The following SLC44A5 variants were observed in gnomAD, a reference collection of about 807,000 sequenced individuals.
SLC44A5 encodes the protein choline transporter-like protein 5.
In SLC44A5, 57 loss-of-function variants were observed where a neutral mutation model predicts 101.8. The observed-to-expected ratio is 0.56, with a 90% CI of 0.45 to 0.70. SLC44A5 has a LOEUF of 0.70. Among genes scored for constraint, SLC44A5 ranks in the 30% least tolerant of loss-of-function variants. The probability of loss-of-function intolerance (pLI) is 0.00; values close to 1 mark genes in which losing one functional copy is unlikely to be tolerated. For missense variants in SLC44A5, 737 were observed against 853.1 expected (o/e 0.86, Z 1.70); for synonymous variants, 281 against 290.9 (o/e 0.97, Z 0.35).
intron 5 of SLC44A5, among the ~76,000 whole-genome samples, chr1:75,297,830 G>C (rs995605506): frequency 6.6e-6 from 1 of 152,086 alleles, no homozygotes; most frequent in African/African-American, 2.4e-5. Context: ...TTGAACAAAG[G>C]TTCTGTTGTT....
intron 4 of SLC44A5, among the ~76,000 whole-genome samples, chr1:75,322,597 T>C (rs905468020): frequency 1.3e-5 from 2 of 152,138 alleles, no homozygotes; most frequent in African/African-American, 4.8e-5. Flanking sequence ...ACATTTGACA[T>C]AATTTTGAGG....
intron 4 of SLC44A5, among the ~76,000 whole-genome samples, chr1:75,324,396 G>C (rs1656415148): frequency 6.6e-6 from 1 of 152,160 alleles, no homozygotes; most frequent in South Asian, 2.1e-4. Context: ...GTTCTATTAA[G>C]TATTGCAAGC....
intron 3 of SLC44A5, among the ~76,000 whole-genome samples, chr1:75,394,981 G>A (rs1662034500): frequency 6.6e-6 from 1 of 151,958 alleles, no homozygotes; most frequent in Admixed American, 6.6e-5. Context: ...GTAATACCTT[G>A]TCTGGGAGAA....
chr1:75,478,716 T>C (rs969113189), intron 2 of SLC44A5, among the ~76,000 whole-genome samples: 6 of 152,118 alleles, frequency 3.9e-5, no homozygotes, highest in African/African-American at 9.7e-5. Context: ...CCTAAATATA[T>C]ATGCACCCAA....
the SLC44A5 span, among the ~76,000 whole-genome samples, chr1:75,682,628 G>T: frequency 1.3e-5 from 2 of 151,882 alleles, no homozygotes; most frequent in Admixed American, 1.3e-4. Flanking sequence ...AGACTTAAAC[G>T]TTAGACCTAA....
At chr1:75,223,880 T>C (rs987790816) in intron 13 of SLC44A5, among the ~76,000 whole-genome samples, 1 of 152,220 alleles carries the variant, frequency 6.6e-6, no homozygotes, top group Non-Finnish European at 1.5e-5. Flanking sequence ...AATTGTGGCA[T>C]GTAACCATAT....
intron 3 of SLC44A5, among the ~76,000 whole-genome samples, chr1:75,366,357 A>G (rs992783763): frequency 6.6e-6 from 1 of 151,994 alleles, no homozygotes; most frequent in Admixed American, 6.6e-5. Flanking sequence ...ATACTCTCCT[A>G]GCCTGCAAGA....
intron 9 of SLC44A5, among the ~76,000 whole-genome samples, chr1:75,240,051 G>C (rs1464493778): frequency 6.6e-6 from 1 of 151,564 alleles, no homozygotes; most frequent in East Asian, 1.9e-4. Context: ...ATTTTTTTCT[G>C]GATAATCTCA....
intron 5 of SLC44A5, among the ~76,000 whole-genome samples, chr1:75,277,922 C>CA (rs941749256): frequency 2.0e-5 from 3 of 151,738 alleles, no homozygotes; most frequent in African/African-American, 7.3e-5. Context: ...CTGAAAGCTA[C>CA]AAAAAAGAGG....
intron 2 of SLC44A5, among the ~76,000 whole-genome samples, chr1:75,510,267 A>G (rs1421258918): frequency 6.6e-6 from 1 of 152,186 alleles, no homozygotes; most frequent in Non-Finnish European, 1.5e-5. Flanking sequence ...TCATGAAAAA[A>G]CTAAAAGTAA....
Position 75,274,985 on chromosome 1 carries a change from A to G in SLC44A5, c.233T>C (p.Phe78Ser), listed in dbSNP as rs763847608. 1.9e-6 allele frequency: 3 copies of G among 1,612,876 alleles called. No homozygotes were observed. Among genetic ancestry groups the G allele is most frequent in the Non-Finnish European group, 1.7e-6 (2 of 1,179,396 alleles). ...AAYPTDSQGH[F>S]CGQKGTPNEN... ...ATTGGGAGTGCCCTTCTGGCCACAA[A>G]AGTGGCCCTGGCTGTCTGTAGGATA... Residue 78 changes from phenylalanine (F) to serine (S), a missense_variant, in exon 6 of 24, where the codon TTT becomes TCT. This residue lies in a region of SLC44A5 where 665 missense variants were observed against 764.4 expected (regional missense o/e 0.87). Transcript: ENST00000370859.
the SLC44A5 span, among the ~76,000 whole-genome samples, chr1:75,699,076 T>A: frequency 6.6e-6 from 1 of 152,060 alleles, no homozygotes; most frequent in Admixed American, 6.6e-5. Flanking sequence ...TGGAAAACAC[T>A]CTGAAGGATA....
chr1:75,289,700 A>T (rs1176900073), intron 5 of SLC44A5, among the ~76,000 whole-genome samples: 1 of 152,242 alleles, frequency 6.6e-6, no homozygotes, highest in Non-Finnish European at 1.5e-5. Flanking sequence ...CAACTGACTG[A>T]AGAAAAAAAA....
At chr1:75,622,538 G>A in the SLC44A5 span, among the ~76,000 whole-genome samples, 2 of 152,128 alleles carry the variant, frequency 1.3e-5, no homozygotes, top group Admixed American at 6.5e-5. Context: ...CATTTGGGAT[G>A]GCCAAGAAAT....
At chr1:75,668,752 T>C in the SLC44A5 span, among the ~76,000 whole-genome samples, 2 of 151,516 alleles carry the variant, frequency 1.3e-5, no homozygotes, top group African/African-American at 4.9e-5. Context: ...CCCAGCACTT[T>C]GGGAGGCTGA....
chr1:75,489,475 T>C (rs6685879), intron 2 of SLC44A5, among the ~76,000 whole-genome samples: 48 of 152,210 alleles, frequency 3.2e-4, no homozygotes, highest in Non-Finnish European at 5.3e-4. Flanking sequence ...TAACTAGGTT[T>C]TTCATTTGTT....
chr1:75,691,854 G>C, the SLC44A5 span, among the ~76,000 whole-genome samples: 3 of 152,120 alleles, frequency 2.0e-5, no homozygotes, highest in African/African-American at 7.2e-5. Context: ...CATCATGGGG[G>C]CCTCACTCTC....
chr1:75,394,507 G>A (rs1662002783), intron 3 of SLC44A5, among the ~76,000 whole-genome samples: 1 of 152,130 alleles, frequency 6.6e-6, no homozygotes, highest in South Asian at 2.1e-4. Flanking sequence ...ATAATTGCAA[G>A]AGCAAAGTCT....
At chr1:75,403,643 A>T (rs1475484455) in intron 2 of SLC44A5, among the ~76,000 whole-genome samples, 1 of 152,172 alleles carries the variant, frequency 6.6e-6, no homozygotes, top group Non-Finnish European at 1.5e-5. Flanking sequence ...ACAGAAAAGA[A>T]TAGCATTAAC....
Sources: gnomAD v4.1 joint callset for allele counts (sites outside exome capture counted in the v4.1 genomes callset) on GRCh38, gnomAD v4.1.1 for gene constraint, gnomAD v4.1.1 regional missense constraint, MANE v1.5 for transcripts, NCBI Gene and HGNC (gene_info 2026-07-23, HGNC 2026-07-21) for gene names.